ROBO2: variants seen among roughly 807,000 people sequenced by gnomAD.
ROBO2 encodes the protein roundabout guidance receptor 2.
In ROBO2, 53 loss-of-function variants were observed where a neutral mutation model predicts 160.8. The ratio of observed to expected loss-of-function variants is 0.33; its 90% CI spans 0.26 to 0.41. ROBO2 has a LOEUF of 0.41. Among genes scored for constraint, ROBO2 ranks in the 10% least tolerant of loss-of-function variants. The pLI, the probability that ROBO2 is intolerant of heterozygous loss-of-function variation, is 1.00. For synonymous variants in ROBO2, 664 were observed against 611.7 expected, an observed-to-expected ratio of 1.09 and a Z score of -1.26; for missense variants, 1,577 against 1,722.4, an observed-to-expected ratio of 0.92 and a Z score of 1.49.
intron 2 of ROBO2, among the ~76,000 whole-genome samples, chr3:76,050,413 G>A (rs927180495): frequency 3.3e-5 from 5 of 152,016 alleles, no homozygotes; most frequent in African/African-American, 1.2e-4. Flanking sequence ...TGCAGTTTGG[G>A]GACTCAGACT....
At chr3:76,882,815 CT>C (rs2073491479) in intron 2 of ROBO2, among the ~76,000 whole-genome samples, 2 of 152,150 alleles carry the variant, frequency 1.3e-5, no homozygotes, top group Non-Finnish European at 2.9e-5. Context: ...TTTTATTACA[CT>C]GGAAACTCAA....
rs181352113 is a variant in ROBO2 at position 77,318,713 on chromosome 3, A to G, written c.389-158701A>G. On this transcript the variant is annotated intron_variant, in intron 2 of 25. Coordinates refer to ENST00000461745, the Ensembl canonical transcript of ROBO2. ...AAGGTCAACTACTAAATTAGATAAT[A>G]CATGTAAAGTGAAATGCCTAAATAC... is the stretch of plus-strand genomic sequence containing the variant. Among the ~76,000 whole-genome samples, 284 of 152,250 alleles carry G rather than the reference A, an allele frequency of 1.9e-3. 2 individuals are homozygous for G. Among genetic ancestry groups the G allele is most frequent in the Non-Finnish European group, 3.1e-3 (210 of 67,970 alleles).
intron 2 of ROBO2, among the ~76,000 whole-genome samples, chr3:76,623,791 C>T (rs2089411131): frequency 6.6e-6 from 1 of 152,114 alleles, no homozygotes; most frequent in South Asian, 2.1e-4. Context: ...GTAATGTTGG[C>T]ATCATTATTC....
intron 2 of ROBO2, among the ~76,000 whole-genome samples, chr3:77,184,929 TA>T (rs1198691682): frequency 6.6e-6 from 1 of 152,030 alleles, no homozygotes; most frequent in Non-Finnish European, 1.5e-5. Context: ...TCTAGCATCA[TA>T]GATGGCATGT....
At position 76,088,549 on chromosome 3, in the gene ROBO2, C is replaced by T. The variant is rs1170206917; in HGVS notation, c.109+150947C>T. ...AGAGTACAATGGAATTACACTAGGTCGATAACAGAAAGATAGCTGGAAAAA... is the reference window on the plus strand; with the variant it reads ...AGAGTACAATGGAATTACACTAGGTTGATAACAGAAAGATAGCTGGAAAAA... On this transcript the variant is annotated intron_variant, in intron 2 of 26. Coordinates refer to the ROBO2 transcript ENST00000487694. Among the ~76,000 whole-genome samples, 4 of 151,798 alleles carry T rather than the reference C, an allele frequency of 2.6e-5. No individual in the cohort carries two copies. In the East Asian group the frequency reaches 5.8e-4, roughly 22 times the overall value.
At chr3:76,200,529 C>T (rs375200022) in intron 2 of ROBO2, among the ~76,000 whole-genome samples, 29 of 152,106 alleles carry the variant, frequency 1.9e-4, no homozygotes, top group East Asian at 1.2e-3. Flanking sequence ...GTACCTTGCA[C>T]CAAATTTGTC....
chr3:77,086,698 A>T (rs2069367379), intron 1 of ROBO2, among the ~76,000 whole-genome samples: 1 of 152,122 alleles, frequency 6.6e-6, no homozygotes, highest in African/African-American at 2.4e-5. Flanking sequence ...CAAGGCTAAA[A>T]TCAGTCATTG....
At chr3:75,935,743 T>TC (rs150322021) in intron 1 of ROBO2, among the ~76,000 whole-genome samples, 1 of 152,186 alleles carries the variant, frequency 6.6e-6, no homozygotes, top group Non-Finnish European at 1.5e-5. Flanking sequence ...CATCTTTTTT[T>TC]CCCTCTTCTC....
At chr3:76,750,996 T>G (rs1168299292) in intron 2 of ROBO2, among the ~76,000 whole-genome samples, 2 of 152,160 alleles carry the variant, frequency 1.3e-5, no homozygotes, top group Non-Finnish European at 2.9e-5. Flanking sequence ...AAGACAATCC[T>G]AAGCCAAAAG....
chr3:77,450,118 T>G (rs2080971784), intron 2 of ROBO2, among the ~76,000 whole-genome samples: 1 of 152,178 alleles, frequency 6.6e-6, no homozygotes. Flanking sequence ...AATTTTTAGA[T>G]ACTCTCTAGA....
intron 2 of ROBO2, among the ~76,000 whole-genome samples, chr3:77,252,696 T>C (rs1409198393): frequency 1.4e-5 from 2 of 147,286 alleles, no homozygotes; most frequent in East Asian, 4.1e-4. Flanking sequence ...TAGTCCCAGC[T>C]ACTCCGGAGG....
At chr3:76,215,239 C>G (rs549051911) in intron 2 of ROBO2, among the ~76,000 whole-genome samples, 2 of 152,258 alleles carry the variant, frequency 1.3e-5, no homozygotes, top group South Asian at 4.1e-4. Flanking sequence ...ACCGGAAACT[C>G]TAAAAATCGA....
rs569812304 is a variant in ROBO2, at chr3:77,313,250, C to T, written c.389-164164C>T. Among the ~76,000 whole-genome samples the T allele has an allele frequency of 2.0e-5, 3 of 152,258 alleles. No homozygotes were observed. The South Asian group carries it at 6.2e-4, about 32-fold the overall frequency. ...TTTCCATTTAATTTTTTAATTGATA[C>T]ATAACAATTGTACATATTTGTGAGG... On this transcript the variant is annotated intron_variant, in intron 2 of 25. Coordinates refer to ENST00000461745, the Ensembl canonical transcript of ROBO2.
At chr3:77,002,756 T>C (rs2061395010) in intron 2 of ROBO2, among the ~76,000 whole-genome samples, 2 of 152,122 alleles carry the variant, frequency 1.3e-5, no homozygotes, top group South Asian at 4.1e-4. Flanking sequence ...TTAATTGTGG[T>C]TTATGTTACC....
At chr3:76,640,259 G>T (rs144871492) in intron 2 of ROBO2, among the ~76,000 whole-genome samples, 1 of 152,134 alleles carries the variant, frequency 6.6e-6, no homozygotes, top group Admixed American at 6.5e-5. Context: ...GGCCGGGCGC[G>T]GTGGCTCACG....
chr3:77,515,750 T>C (rs2089946907), intron 5 of ROBO2, among the ~76,000 whole-genome samples: 1 of 151,714 alleles, frequency 6.6e-6, no homozygotes, highest in South Asian at 2.1e-4. Flanking sequence ...TAAAAATCTT[T>C]GTAATATAGT....
intron 2 of ROBO2, among the ~76,000 whole-genome samples, chr3:75,987,922 T>G (rs114956534): frequency 0.03 from 4,567 of 152,156 alleles, 219 homozygotes; most frequent in African/African-American, 0.096. Flanking sequence ...TGAATTTGGT[T>G]TGCTAGTATT....
At chr3:76,440,153 G>A (rs2076859033) in intron 2 of ROBO2, among the ~76,000 whole-genome samples, 1 of 152,142 alleles carries the variant, frequency 6.6e-6, no homozygotes, top group Admixed American at 6.5e-5. Flanking sequence ...TGGGGGGAAA[G>A]CGAGAAATTC....
At position 77,076,952 on chromosome 3, in the gene ROBO2, A is replaced by G. The variant is rs571555780; in HGVS notation, c.62-21062A>G. On this transcript the variant is annotated intron_variant, in intron 1 of 25. Transcript: ENST00000461745. The stretch of plus-strand genomic sequence containing the variant: ...GGGATTAGATAAAGGGAACCTTCAG[A>G]GATGATACTGAAACAGCTCACTTCA... Among the ~76,000 whole-genome samples the G allele has an allele frequency of 1.4e-4, 21 of 152,330 alleles. No individual in the cohort carries two copies. The South Asian group carries it at 4.1e-3, about 30-fold the overall frequency.
Sources: allele counts gnomAD v4.1 joint callset (sites outside exome capture counted in the v4.1 genomes callset), GRCh38; gene constraint gnomAD v4.1.1; transcripts MANE v1.5; gene names NCBI Gene and HGNC (gene_info 2026-07-23, HGNC 2026-07-21).